SAFB: variants seen among roughly 807,000 people sequenced by gnomAD.
SAFB encodes scaffold attachment factor B, also known as scaffold attachment factor B1.
A neutral mutation model predicts 101.6 loss-of-function variants in SAFB; 15 were observed. The observed-to-expected ratio is 0.15, with a 90% CI of 0.10 to 0.23. The LOEUF (loss-of-function observed/expected upper bound fraction) is 0.23, where lower values mean the gene tolerates loss of function less well. Among genes scored for constraint, SAFB ranks in the 10% least tolerant of loss-of-function variants. SAFB has a pLI of 1.00. For missense variants in SAFB, 930 were observed against 1,104.1 expected, an observed-to-expected ratio of 0.84 and a Z score of 2.23; for synonymous variants, 449 against 407.5, an observed-to-expected ratio of 1.10 and a Z score of -1.23.
intron 8 of SAFB, 129 bp from the exon 9 acceptor site, chr19:5,650,849 C>T (rs938142696): frequency 6.4e-6 from 4 of 623,544 alleles, no homozygotes; most frequent in Non-Finnish European, 1.1e-5. Flanking sequence ...GGCCCACAGC[C>T]CCATTTGGCT....
At chr19:5,658,361 C>T (rs915587944) in intron 14 of SAFB, among the ~76,000 whole-genome samples, 1 of 152,210 alleles carries the variant, frequency 6.6e-6, no homozygotes, top group Non-Finnish European at 1.5e-5. Flanking sequence ...CGAATTACAG[C>T]TAATTTATTT....
rs187074714 is a variant in SAFB at position 5,658,208 on chromosome 19, G to A, written c.1862+861G>A. ...AGATGGGGTTTGGCCATGTTGGCCA[G>A]GCTGGTTTCAAACTCCTGACCTCAA... On this transcript the variant is annotated intron_variant, in intron 14 of 20. Transcript: ENST00000588852. Among the ~76,000 whole-genome samples the A allele has an allele frequency of 3.1e-3, 475 of 152,138 alleles. 3 individuals carry two copies. Among genetic ancestry groups the A allele is most frequent in the Admixed American group, 4.1e-3 (62 of 15,290 alleles).
At chr19:5,662,814 T>G (rs777174789) in intron 15 of SAFB, among the ~76,000 whole-genome samples, 116 of 148,944 alleles carry the variant, frequency 7.8e-4, no homozygotes, top group Non-Finnish European at 1.4e-3. Context: ...CTAATTTTTG[T>G]TTTTTTTAGT....
At chr19:5,640,324 A>G (rs2053678981) in intron 2 of SAFB, among the ~76,000 whole-genome samples, 1 of 150,804 alleles carries the variant, frequency 6.6e-6, no homozygotes, top group Non-Finnish European at 1.5e-5. Flanking sequence ...AAAGAAAAAT[A>G]GCAAATTTTT....
intron 14 of SAFB, among the ~76,000 whole-genome samples, chr19:5,658,368 A>G (rs533516547): frequency 6.6e-6 from 1 of 152,232 alleles, no homozygotes; most frequent in South Asian, 2.1e-4. Context: ...CAGCTAATTT[A>G]TTTTTTCTAT....
At position 5,642,683 on chromosome 19, in the gene SAFB, A is replaced by G. The variant is rs1363663494; in HGVS notation, c.546+737A>G. 7.8e-4 allele frequency among the ~76,000 whole-genome samples: 53 copies of G among 68,084 alleles called. 1 individual carries two copies. Among genetic ancestry groups the G allele is most frequent in the African/African-American group, 2.8e-3 (51 of 18,292 alleles). The allele number at this position is 68,084 out of a possible 152,430, so 44.7% of individuals were successfully genotyped here. A position where few individuals can be genotyped will look rare whatever the true frequency, so the allele number is the denominator to read the frequency against. On this transcript the variant is annotated intron_variant, in intron 4 of 20. Coordinates refer to ENST00000588852, the MANE Select transcript of SAFB (RefSeq NM_001201338.2). ...TTTTTTTTTTTTTTTTTTTTCTGAG[A>G]CAGAGTTTTGCTGTTGTTGCCCAGG...
intron 1 of SAFB, 125 bp from the exon 2 acceptor site, chr19:5,626,280 T>C (rs1388203830): frequency 7.7e-6 from 5 of 646,602 alleles, no homozygotes; most frequent in Non-Finnish European, 1.4e-5. Context: ...CCACAGGTCC[T>C]GGGTGGTGAG....
chr19:5,643,769 A>G (rs1311307242), intron 4 of SAFB, among the ~76,000 whole-genome samples: 1 of 151,954 alleles, frequency 6.6e-6, no homozygotes, highest in Non-Finnish European at 1.5e-5. Flanking sequence ...AGGCTGAGGC[A>G]GGAGAATCAC....
intron 5 of SAFB, among the ~76,000 whole-genome samples, chr19:5,646,125 C>T (rs750261480): frequency 6.6e-6 from 1 of 152,176 alleles, no homozygotes; most frequent in Non-Finnish European, 1.5e-5. Flanking sequence ...CTTAGGAGAA[C>T]TTTTTGTGGA....
chr19:5,664,460 G>A, intron 17 of SAFB, 21 bp downstream of exon 17: 1 of 1,600,530 alleles, frequency 6.2e-7, no homozygotes, highest in Non-Finnish European at 8.6e-7. Flanking sequence ...AGCTACAGTG[G>A]TAGCCACAGA....
chr19:5,655,574 G>T (rs1410665085), intron 13 of SAFB, among the ~76,000 whole-genome samples: 8 of 151,670 alleles, frequency 5.3e-5, no homozygotes, highest in African/African-American at 1.9e-4. Flanking sequence ...CTTCCCAGTT[G>T]CCAGCCAAGG....
rs146877071 is a variant in SAFB, at chr19:5,657,311, A to T, written c.1826A>T (p.Lys609Met). The stretch of plus-strand genomic sequence containing the variant: ...TCCGTCGTGTCCTTTGATAAGGTCA[A>T]GGAGCCTCGGAAGTCAAGAGACTCA... ...KRSVVSFDKV[K>M]EPRKSRDSES... The change falls in exon 14 of 21, where the codon AAG becomes ATG. Residue 609 changes from lysine to methionine, a missense_variant. Around this residue, in one of 7 missense-constraint regions of SAFB, gnomAD observed 159 missense variants for 234.1 expected, o/e 0.68. Coordinates refer to ENST00000588852, the MANE Select transcript of SAFB (RefSeq NM_001201338.2). 1.9e-6 allele frequency: 3 copies of T among 1,613,790 alleles called. No individual in the cohort carries two copies. In the African/African-American group the frequency reaches 4.0e-5, roughly 22 times the overall value.
At chr19:5,648,887 C>G in intron 6 of SAFB, 102 bp from the exon 7 acceptor site, 1 of 428,638 alleles carries the variant, frequency 2.3e-6, no homozygotes, top group Non-Finnish European at 4.6e-6. Flanking sequence ...GCTAGCAGTT[C>G]TCTTCGTGTT....
intron 2 of SAFB, among the ~76,000 whole-genome samples, chr19:5,632,347 C>T (rs1311254568): frequency 1.3e-5 from 2 of 152,174 alleles, no homozygotes; most frequent in Non-Finnish European, 1.5e-5. Context: ...CTTTTCTCTC[C>T]TTGTATGTAT....
In SAFB at chr19:5,653,389, G is replaced by A. The variant is rs2053983462; in HGVS notation, c.1495G>A (p.Gly499Arg). Residue 499 changes from glycine (G) to arginine (R), a missense_variant, in exon 11 of 21, where the codon GGG becomes AGG. Gly to Arg is a moderately radical substitution (Grantham distance 125). Transcript: ENST00000588852. ...KKTSDKRDSD[G>R]KKEKSSNSDR... The stretch of plus-strand genomic sequence containing the variant: ...AACCTCTGACAAAAGAGACAGTGAC[G>A]GGAAAAAGGAGAAGTCGAGCAACAG... 6 of 1,614,100 alleles carry A rather than the reference G, an allele frequency of 3.7e-6. No individual in the cohort carries two copies. Among genetic ancestry groups the A allele is most frequent in the East Asian group, 2.2e-5 (1 of 44,888 alleles).
chr19:5,650,725 T>G (rs546942032), intron 8 of SAFB, among the ~76,000 whole-genome samples: 1 of 152,240 alleles, frequency 6.6e-6, no homozygotes, highest in East Asian at 1.9e-4. Context: ...ATTGCTAACT[T>G]TCTTAGGAAA....
intron 6 of SAFB, 151 bp downstream of exon 6, chr19:5,648,194 G>A: frequency 1.5e-6 from 1 of 650,426 alleles, no homozygotes; most frequent in Non-Finnish European, 2.6e-6. Context: ...CAGGATCATA[G>A]AGATTGGAAA....
chr19:5,654,095 A>C lies in SAFB; in HGVS notation c.1561A>C (p.Arg521=). ...TNLKRDDKCD[R]KDDAKKGDDG... ...CCTTAAGAGGGATGATAAATGTGAC[A>C]GAAAAGATGATGCTAAGAAGGGTGA... Residue 521 remains arginine, a synonymous_variant, in exon 12 of 21, where the codon AGA becomes CGA. Transcript: ENST00000588852. 1.2e-6 allele frequency: 2 copies of C among 1,614,208 alleles called. No homozygotes were observed.
rs2054153566 is a variant in SAFB at position 5,659,786 on chromosome 19, C to T, written c.1863-1732C>T. 1.3e-5 allele frequency among the ~76,000 whole-genome samples: 2 copies of T among 152,150 alleles called. 1 individual carries two copies. The highest frequency in any genetic ancestry group is 3.9e-4 in the East Asian group (2 of 5,154). On this transcript the variant is annotated intron_variant, in intron 14 of 20. Transcript: ENST00000588852. ...CTGGGGGAGTAATGAACACGGGCAG[C>T]CTGGGGGGCCCCCACAGGAGCCTGC...
Sources: allele counts gnomAD v4.1 joint callset (sites outside exome capture counted in the v4.1 genomes callset), GRCh38; gene constraint gnomAD v4.1.1; regional missense constraint gnomAD v4.1.1; transcripts MANE v1.5; gene names NCBI Gene and HGNC (gene_info 2026-07-23, HGNC 2026-07-21).